The following IGF1 variants were observed in gnomAD, a reference collection of about 807,000 sequenced individuals.
The protein encoded by IGF1 is insulin-like growth factor 1.
IGF1 carries 4 observed loss-of-function variants against 13.8 expected under a neutral mutation model. That is an observed-to-expected ratio of 0.29 (90% CI 0.14 to 0.66). The LOEUF is 0.66. Among genes scored for constraint, IGF1 ranks in the 30% least tolerant of loss-of-function variants. IGF1 has a pLI of 0.78. For synonymous variants in IGF1, 76 were observed against 72.6 expected (o/e 1.05, Z -0.23); for missense variants, 124 against 188.5 (o/e 0.66, Z 2.00).
chr12:102,452,791 G>A (rs1405619151), intron 2 of IGF1, among the ~76,000 whole-genome samples: 1 of 152,204 alleles, frequency 6.6e-6, no homozygotes, highest in East Asian at 1.9e-4. Context: ...TCAAAGAGGA[G>A]CGCTTGGGCT....
rs17879892 is a variant in IGF1 at position 102,436,082 on chromosome 12, T to A, written c.221-16392A>T. Among the ~76,000 whole-genome samples the A allele has an allele frequency of 3.6e-3, 549 of 152,354 alleles. 2 individuals carry two copies. The highest frequency in any genetic ancestry group is 0.012 in the African/African-American group (514 of 41,580). On this transcript the variant is annotated intron_variant, in intron 2 of 3. Coordinates refer to ENST00000337514, the MANE Select transcript of IGF1 (RefSeq NM_000618.5). ...TAATTGCCTAATAAAGGTATCTATA[T>A]GTCAGTCTAGTAGCAGAACCAGTTT...
chr12:102,418,639 C>T (rs551663644), intron 3 of IGF1, among the ~76,000 whole-genome samples: 1 of 152,198 alleles, frequency 6.6e-6, no homozygotes, highest in African/African-American at 2.4e-5. Context: ...TCTCTTTTTC[C>T]TCCTTTACCT....
chr12:102,426,846 T>G (rs1233902147), intron 2 of IGF1, among the ~76,000 whole-genome samples: 1 of 152,240 alleles, frequency 6.6e-6, no homozygotes, highest in Non-Finnish European at 1.5e-5. Context: ...CTCTCTCTAC[T>G]TCATGTCTCA....
At chr12:102,475,971 G>A (rs76852214) in intron 1 of IGF1, among the ~76,000 whole-genome samples, 172 bp from the exon 2 acceptor site, 48 of 152,308 alleles carry the variant, frequency 3.2e-4, no homozygotes, top group East Asian at 1.9e-3. Context: ...TGGATGGAGC[G>A]TGTCTCGGCA....
At chr12:102,405,321 C>A (rs1325390173) in intron 3 of IGF1, among the ~76,000 whole-genome samples, 2 of 151,480 alleles carry the variant, frequency 1.3e-5, no homozygotes, top group Non-Finnish European at 3.0e-5. Context: ...CTCCTGACCT[C>A]AGGTGATCTG....
chr12:102,451,288 C>G (rs916861878), intron 2 of IGF1, among the ~76,000 whole-genome samples: 1 of 152,202 alleles, frequency 6.6e-6, no homozygotes, highest in Admixed American at 6.5e-5. Flanking sequence ...GTATTGCTCT[C>G]CTTTCTGTAG....
intron 2 of IGF1, among the ~76,000 whole-genome samples, chr12:102,456,787 G>T (rs1294506132): frequency 6.6e-6 from 1 of 152,040 alleles, no homozygotes; most frequent in African/African-American, 2.4e-5. Flanking sequence ...AATCATACAT[G>T]ACCCAAAAAG....
rs1364996603 is a variant in IGF1 at position 102,402,504 on chromosome 12, T to C, written c.*3A>G. 1 of 780,934 alleles carries C rather than the reference T, an allele frequency of 1.3e-6. No individual in the cohort carries two copies. Among genetic ancestry groups the C allele is most frequent in the Admixed American group, 1.7e-5 (1 of 59,036 alleles). The allele number at this position is 780,934 out of a possible 1,614,324, so 48.4% of individuals were successfully genotyped here. ...TCACTCTTCACTCCTCAGGAGGGTC[T>C]TCCTACATCCTGTAGTTCTTGTTTC... is the stretch of plus-strand genomic sequence containing the variant. On this transcript the variant is annotated 3_prime_UTR_variant, in exon 4 of 4. Transcript: ENST00000337514.
chr12:102,423,936 C>T (rs997496726), intron 2 of IGF1, among the ~76,000 whole-genome samples: 4 of 152,164 alleles, frequency 2.6e-5, no homozygotes, highest in Non-Finnish European at 1.5e-5. Context: ...ACTGATGCTG[C>T]ATAAGTTTGT....
At chr12:102,426,403 T>A (rs776447045) in intron 2 of IGF1, among the ~76,000 whole-genome samples, 1 of 152,232 alleles carries the variant, frequency 6.6e-6, no homozygotes, top group Admixed American at 6.5e-5. Context: ...TGGTGTTGAA[T>A]TGGTTAACAT....
intron 2 of IGF1, among the ~76,000 whole-genome samples, chr12:102,442,664 A>G (rs1031003728): frequency 3.3e-5 from 5 of 152,144 alleles, no homozygotes; most frequent in African/African-American, 9.7e-5. Context: ...AATAACAGGA[A>G]AAAAAGGCAA....
At chr12:102,480,298 C>A (rs1412286315) in intron 1 of IGF1, 21 bp downstream of exon 1, 5 of 1,607,862 alleles carry the variant, frequency 3.1e-6, no homozygotes, top group African/African-American at 1.3e-5. Context: ...CCAATGACTT[C>A]AAAGAGTAAG....
chr12:102,407,236 C>A (rs1273682047), intron 3 of IGF1, among the ~76,000 whole-genome samples: 3 of 151,788 alleles, frequency 2.0e-5, no homozygotes, highest in African/African-American at 7.3e-5. Flanking sequence ...CTTACAATCA[C>A]CACATGAGGT....
rs1039321421 is a variant in IGF1, at chr12:102,396,197, C to T, written c.*6310G>A. 1.2e-4 allele frequency: 19 copies of T among 152,180 alleles called. No individual in the cohort carries two copies. The highest frequency in any genetic ancestry group is 4.3e-4 in the African/African-American group (18 of 41,438). 9.4% of individuals were successfully genotyped at this position (152,180 alleles called of 1,614,324 possible). A position where few individuals can be genotyped will look rare whatever the true frequency, so the allele number is the denominator to read the frequency against. ...TCAGTGTCTGTAAGTTTATTTATCA[C>T]ACTTGGCCTATAAGTGTGATAAAAA... is the stretch of plus-strand genomic sequence containing the variant. On this transcript the variant is annotated 3_prime_UTR_variant, in exon 4 of 4. Coordinates refer to ENST00000337514, the MANE Select transcript of IGF1 (RefSeq NM_000618.5).
chr12:102,446,458 G>A (rs1263706867), intron 2 of IGF1, among the ~76,000 whole-genome samples: 1 of 152,136 alleles, frequency 6.6e-6, no homozygotes, highest in Non-Finnish European at 1.5e-5. Context: ...TTGGCAGGGT[G>A]TATGTGTCCA....
intron 2 of IGF1, among the ~76,000 whole-genome samples, chr12:102,466,310 G>C (rs4764699): frequency 0.032 from 4,909 of 152,152 alleles, 311 homozygotes; most frequent in East Asian, 0.28. Flanking sequence ...CTCTCTAATT[G>C]CCTCTCTTCT....
chr12:102,454,328 C>T (rs1449015916), intron 2 of IGF1, among the ~76,000 whole-genome samples: 2 of 152,220 alleles, frequency 1.3e-5, no homozygotes, highest in Non-Finnish European at 2.9e-5. Context: ...ACCATGGCTA[C>T]TACCAACCCT....
intron 2 of IGF1, among the ~76,000 whole-genome samples, chr12:102,430,949 A>G (rs542318492): frequency 6.6e-6 from 1 of 152,308 alleles, no homozygotes; most frequent in South Asian, 2.1e-4. Flanking sequence ...ACAGGTCACA[A>G]ATCAGCCTGT....
At chr12:102,431,847 C>G (rs1205776619) in intron 2 of IGF1, among the ~76,000 whole-genome samples, 3 of 152,052 alleles carry the variant, frequency 2.0e-5, no homozygotes, top group African/African-American at 7.2e-5. Flanking sequence ...ATGGCTTTTT[C>G]CCTTGAGAGA....
Sources: gnomAD v4.1 joint callset for allele counts (sites outside exome capture counted in the v4.1 genomes callset) on GRCh38, gnomAD v4.1.1 for gene constraint, MANE v1.5 for transcripts, NCBI Gene and HGNC (gene_info 2026-07-23, HGNC 2026-07-21) for gene names.